CDH6: variants seen among roughly 807,000 people sequenced by gnomAD.
CDH6 encodes cadherin 6, also known as cadherin-6.
CDH6 carries 31 observed loss-of-function variants against 78.0 expected under a neutral mutation model. That is an observed-to-expected ratio of 0.40 (90% confidence interval 0.30 to 0.54). The LOEUF (loss-of-function observed/expected upper bound fraction) is 0.54. Ranked by LOEUF, CDH6 falls within the 20% of genes least tolerant of loss-of-function variation. The pLI is 0.56. For synonymous variants in CDH6, 376 were observed against 368.8 expected (o/e 1.02, Z -0.23); for missense variants, 724 against 975.9 (o/e 0.74, Z 3.44).
At chr5:31,201,419 T>TA (rs544220733) in intron 1 of CDH6, among the ~76,000 whole-genome samples, 23 of 152,084 alleles carry the variant, frequency 1.5e-4, no homozygotes, top group African/African-American at 3.6e-4. Flanking sequence ...ATCTTTGAAA[T>TA]AAAAAAAATC....
At chr5:31,216,436 A>G (rs1231830567) in intron 1 of CDH6, among the ~76,000 whole-genome samples, 2 of 152,116 alleles carry the variant, frequency 1.3e-5, no homozygotes, top group Non-Finnish European at 2.9e-5. Flanking sequence ...ATACTGTATT[A>G]CATATTATTT....
intron 1 of CDH6, among the ~76,000 whole-genome samples, chr5:31,197,811 G>T (rs140570610): frequency 8.5e-4 from 130 of 152,238 alleles, no homozygotes; most frequent in African/African-American, 2.9e-3. Flanking sequence ...ACAGATGAGT[G>T]CTTGAAGCAC....
chr5:31,291,042 G>C lies in CDH6; in HGVS notation c.229-2920G>C, dbSNP rs570699149. ...AATACATTTCTGATTACTTTTACCT[G>C]AATAAATCTTGTGACCAGATGTGGA... On this transcript the variant is annotated intron_variant, in intron 2 of 11. Coordinates refer to ENST00000265071, the MANE Select transcript of CDH6 (RefSeq NM_004932.4). Among the ~76,000 whole-genome samples, 184 of 152,172 alleles carry C rather than the reference G, an allele frequency of 1.2e-3. 2 individuals are homozygous for C. Among genetic ancestry groups the C allele is most frequent in the African/African-American group, 4.3e-3 (179 of 41,516 alleles).
At chr5:31,206,970 C>T (rs1740543198) in intron 1 of CDH6, among the ~76,000 whole-genome samples, 1 of 151,734 alleles carries the variant, frequency 6.6e-6, no homozygotes, top group South Asian at 2.1e-4. Flanking sequence ...TTCACTAATC[C>T]CTACAATTTC....
intron 1 of CDH6, among the ~76,000 whole-genome samples, chr5:31,209,674 G>A (rs1416442989): frequency 2.0e-5 from 3 of 152,116 alleles, no homozygotes; most frequent in Non-Finnish European, 4.4e-5. Flanking sequence ...ATCCCATCTC[G>A]AACTGGATTA....
intron 2 of CDH6, among the ~76,000 whole-genome samples, chr5:31,275,308 A>C (rs1215825194): frequency 6.6e-6 from 1 of 152,118 alleles, no homozygotes; most frequent in East Asian, 1.9e-4. Flanking sequence ...TACTGAGCAT[A>C]GTACTCTACA....
At chr5:31,250,986 T>A (rs1425730286) in intron 1 of CDH6, 1 of 152,358 alleles carries the variant, frequency 6.6e-6, no homozygotes, top group Non-Finnish European at 1.5e-5. Context: ...TTTGATGCTC[T>A]GCCTGATGTG....
chr5:31,254,317 G>A (rs1360384177), intron 1 of CDH6, among the ~76,000 whole-genome samples: 2 of 152,194 alleles, frequency 1.3e-5, no homozygotes, highest in East Asian at 1.9e-4. Context: ...AAGTGAAAAG[G>A]TGAATGTTCT....
At chr5:31,275,864 G>C (rs1428368929) in intron 2 of CDH6, among the ~76,000 whole-genome samples, 2 of 152,068 alleles carry the variant, frequency 1.3e-5, no homozygotes, top group African/African-American at 4.8e-5. Context: ...TTAACTTTTA[G>C]AGGCCTCAAC....
At chr5:31,221,554 C>T (rs1005209076) in intron 1 of CDH6, among the ~76,000 whole-genome samples, 2 of 152,006 alleles carry the variant, frequency 1.3e-5, no homozygotes, top group Non-Finnish European at 2.9e-5. Context: ...TTATTAAATA[C>T]ACCTGAGAAA....
chr5:31,200,591 C>T (rs1000064624), intron 1 of CDH6, among the ~76,000 whole-genome samples: 3 of 151,426 alleles, frequency 2.0e-5, no homozygotes, highest in African/African-American at 7.3e-5. Flanking sequence ...CACACACACA[C>T]ACACACATAT....
In CDH6 at chr5:31,325,041, T is replaced by C. The variant is rs62350377; in HGVS notation, c.*1733T>C. 351 of 214,576 alleles carry C rather than the reference T, an allele frequency of 1.6e-3. 4 individuals are homozygous for C. Among genetic ancestry groups the C allele is most frequent in the Non-Finnish European group, 1.2e-3 (128 of 106,432 alleles). 13.3% of individuals were successfully genotyped at this position (214,576 alleles called of 1,614,324 possible). ...TCATTTCCATTTGGGGATATTGTCATATCAGCACATATTTTCTGTTTGGAA... is the reference window on the plus strand; with the variant it reads ...TCATTTCCATTTGGGGATATTGTCACATCAGCACATATTTTCTGTTTGGAA... On this transcript the variant is annotated 3_prime_UTR_variant, in exon 12 of 12. Coordinates refer to ENST00000265071, the MANE Select transcript of CDH6 (RefSeq NM_004932.4).
chr5:31,196,949 G>A (rs1030889894), intron 1 of CDH6, among the ~76,000 whole-genome samples: 2 of 151,842 alleles, frequency 1.3e-5, no homozygotes, highest in South Asian at 2.1e-4. Flanking sequence ...CATGAAGAGC[G>A]CCGCCGCCCC....
In CDH6 at chr5:31,313,317, G is replaced by A; in HGVS notation, c.1254-1G>A. The A allele has an allele frequency of 6.2e-7, 1 of 1,610,176 alleles. No homozygotes were observed. Among genetic ancestry groups the A allele is most frequent in the Non-Finnish European group, 8.5e-7 (1 of 1,177,030 alleles). On this transcript the variant is annotated splice_acceptor_variant, in intron 7 of 11. Coordinates refer to ENST00000265071, the MANE Select transcript of CDH6 (RefSeq NM_004932.4). LOFTEE classifies it high-confidence loss of function. ...TTCTTAATTCCACTCTGCATTTTCA[G>A]GTACTCTGTAGATCGACACACAGAT...
chr5:31,316,187 T>C, intron 8 of CDH6, 21 bp from the exon 9 acceptor site: 1 of 1,591,058 alleles, frequency 6.3e-7, no homozygotes, highest in Non-Finnish European at 8.5e-7. Flanking sequence ...TGCCTTTTTC[T>C]TTCTTTTTGG....
chr5:31,297,687 T>C (rs2962798), intron 4 of CDH6, among the ~76,000 whole-genome samples: 7,974 of 152,228 alleles, frequency 0.052, 688 homozygotes, highest in African/African-American at 0.18. Flanking sequence ...GGTAAACCCC[T>C]TTTTGATAGT....
chr5:31,229,527 T>A (rs2111849395), intron 1 of CDH6, among the ~76,000 whole-genome samples: 1 of 152,324 alleles, frequency 6.6e-6, no homozygotes, highest in East Asian at 1.9e-4. Context: ...TGGTGCCAAT[T>A]TGGAAGCTTT....
At chr5:31,261,333 G>A (rs988846486) in intron 1 of CDH6, among the ~76,000 whole-genome samples, 1 of 152,124 alleles carries the variant, frequency 6.6e-6, no homozygotes, top group East Asian at 1.9e-4. Flanking sequence ...CTTCCTTAAT[G>A]ATATAATGCA....
chr5:31,257,169 G>T (rs1191728471), intron 1 of CDH6, among the ~76,000 whole-genome samples: 1 of 152,100 alleles, frequency 6.6e-6, no homozygotes, highest in Non-Finnish European at 1.5e-5. Flanking sequence ...ATGTTTGTTT[G>T]TTTGTTTGTT....
Sources: gnomAD v4.1 joint callset for allele counts (sites outside exome capture counted in the v4.1 genomes callset) on GRCh38, gnomAD v4.1.1 for gene constraint, MANE v1.5 for transcripts, NCBI Gene and HGNC (gene_info 2026-07-23, HGNC 2026-07-21) for gene names.